Variants in TSPAN9 observed in about 807,000 individuals in gnomAD.
TSPAN9 encodes the protein tetraspanin 9, also known as tetraspanin-9.
In TSPAN9, 16 loss-of-function variants were observed where a neutral mutation model predicts 31.0. That is an observed-to-expected ratio of 0.52 (90% CI 0.35 to 0.78). The LOEUF (loss-of-function observed/expected upper bound fraction) is 0.78, where lower values mean the gene tolerates loss of function less well. Ranked by LOEUF, TSPAN9 falls within the 30% of genes least tolerant of loss-of-function variation. The pLI, the probability that TSPAN9 is intolerant of heterozygous loss-of-function variation, is 0.01. For missense variants in TSPAN9, 272 were observed against 312.5 expected, an observed-to-expected ratio of 0.87 and a Z score of 0.98; for synonymous variants, 145 against 121.6, an observed-to-expected ratio of 1.19 and a Z score of -1.27.
At chr12:3,115,029 C>T (rs2098321486) in intron 2 of TSPAN9, among the ~76,000 whole-genome samples, 1 of 152,010 alleles carries the variant, frequency 6.6e-6, no homozygotes, top group Non-Finnish European at 1.5e-5. Flanking sequence ...ACCTTTTTAT[C>T]ACCCCCAAAA....
intron 2 of TSPAN9, among the ~76,000 whole-genome samples, chr12:3,089,198 C>G (rs895391962): frequency 6.8e-6 from 1 of 147,908 alleles, no homozygotes; most frequent in Non-Finnish European, 1.5e-5. Context: ...CGCCACTGCA[C>G]TCCAGCCTGG....
At chr12:3,128,139 C>T (rs2098328184) in intron 2 of TSPAN9, among the ~76,000 whole-genome samples, 2 of 152,164 alleles carry the variant, frequency 1.3e-5, no homozygotes, top group Non-Finnish European at 2.9e-5. Context: ...GATGGTACTA[C>T]CGATATTACA....
chr12:3,226,812 C>G (rs1352030090), intron 3 of TSPAN9, among the ~76,000 whole-genome samples: 2 of 74,450 alleles, frequency 2.7e-5, no homozygotes, highest in Non-Finnish European at 5.5e-5. Flanking sequence ...TTTTTTTTCC[C>G]TCTTCGAACT....
At chr12:3,084,206 T>TG (rs2098299283) in intron 2 of TSPAN9, 1 of 152,554 alleles carries the variant, frequency 6.6e-6, no homozygotes, top group Admixed American at 6.5e-5. Flanking sequence ...TCCAGGCTCC[T>TG]GGGGGTCTTG....
intron 3 of TSPAN9, among the ~76,000 whole-genome samples, chr12:3,270,408 C>T (rs1862652242): frequency 2.0e-5 from 3 of 152,184 alleles, no homozygotes; most frequent in South Asian, 2.1e-4. Context: ...ATCTAGGCAT[C>T]GCCGTGTTGG....
At position 3,168,258 on chromosome 12, in the gene TSPAN9, T is replaced by A. The variant is rs2098349692; in HGVS notation, c.-17-32919T>A. Among the ~76,000 whole-genome samples the A allele has an allele frequency of 6.6e-6, 1 of 152,226 alleles. No homozygotes were observed. The highest frequency in any genetic ancestry group is 6.5e-5 in the Admixed American group (1 of 15,286). On this transcript the variant is annotated intron_variant, in intron 2 of 8. Coordinates refer to ENST00000011898, the MANE Select transcript of TSPAN9 (RefSeq NM_006675.5). The surrounding 1 kb of genome is among the most constrained non-coding windows in gnomAD (Gnocchi z 4.0). Reference sequence around the variant, plus strand: ...ATCCCTCTACACTGTGCCAGCTCTTTCCAGATGCTTCAAACCTTTTTAGTT... The same window carrying A: ...ATCCCTCTACACTGTGCCAGCTCTTACCAGATGCTTCAAACCTTTTTAGTT...
intron 2 of TSPAN9, among the ~76,000 whole-genome samples, chr12:3,084,389 G>A (rs146961161): frequency 7.1e-4 from 108 of 152,284 alleles, no homozygotes; most frequent in African/African-American, 2.5e-3. Flanking sequence ...TTCTCCTGCG[G>A]CTTCTCCCTG....
rs138428560 is a variant in TSPAN9 at position 3,226,242 on chromosome 12, C to T, written c.63+24986C>T. Among the ~76,000 whole-genome samples, 117 of 152,092 alleles carry T rather than the reference C, an allele frequency of 7.7e-4. 1 individual carries two copies. Among genetic ancestry groups the T allele is most frequent in the African/African-American group, 2.6e-3 (108 of 41,468 alleles). ...TTTTTTATCCTCTAGTTGCACATAG[C>T]GGGAGAAACTCCTTTAAAGACCAGA... is the stretch of plus-strand genomic sequence containing the variant. On this transcript the variant is annotated intron_variant, in intron 3 of 8. Transcript: ENST00000011898.
chr12:3,191,884 G>A (rs77916626), intron 2 of TSPAN9, among the ~76,000 whole-genome samples: 1,546 of 152,292 alleles, frequency 0.01, 17 homozygotes, highest in East Asian at 0.082. Context: ...GGTGCTGTGA[G>A]GAGTTGTATT....
In TSPAN9 at chr12:3,266,268, G is replaced by A. The variant is rs890539977; in HGVS notation, c.64-12153G>A. 6.6e-5 allele frequency among the ~76,000 whole-genome samples: 10 copies of A among 152,338 alleles called. No homozygotes were observed. In the East Asian group the frequency reaches 9.7e-4, roughly 15 times the overall value. Reference sequence around the variant, plus strand: ...AAGAATGTGGTTTTTGGAGTCAGATGTCCTGGGTTTCTTCACTGAACCTCG... The same window carrying A: ...AAGAATGTGGTTTTTGGAGTCAGATATCCTGGGTTTCTTCACTGAACCTCG... On this transcript the variant is annotated intron_variant, in intron 3 of 8. Coordinates refer to ENST00000011898, the MANE Select transcript of TSPAN9 (RefSeq NM_006675.5).
chr12:3,217,393 C>A (rs1368931167), intron 3 of TSPAN9, among the ~76,000 whole-genome samples: 1 of 152,214 alleles, frequency 6.6e-6, no homozygotes, highest in Non-Finnish European at 1.5e-5. Flanking sequence ...ATGGAAGTGT[C>A]ATCTGGAAAG....
chr12:3,185,837 G>C (rs528107174), intron 2 of TSPAN9, among the ~76,000 whole-genome samples: 1 of 152,310 alleles, frequency 6.6e-6, no homozygotes, highest in South Asian at 2.1e-4. Context: ...GCTGGAGTTC[G>C]GGTGTGGCTG....
At chr12:3,202,991 G>A (rs931298422) in intron 3 of TSPAN9, among the ~76,000 whole-genome samples, 5 of 152,170 alleles carry the variant, frequency 3.3e-5, no homozygotes, top group South Asian at 2.1e-4. Context: ...GGATTCACAC[G>A]AATGCTGTCC....
rs953203092 is a variant in TSPAN9 at position 3,281,447 on chromosome 12, G to T, written c.564+118G>T. 5 of 1,408,530 alleles carry T rather than the reference G, an allele frequency of 3.5e-6. No homozygotes were observed. In the East Asian group the frequency reaches 7.6e-5, roughly 21 times the overall value. 87.3% of individuals were successfully genotyped at this position (1,408,530 alleles called of 1,614,324 possible). ...TAAGAGGTTGGCTGAATGTGGCGGT[G>T]GGGGGCTCACAAAAATAAAGCCAAA... On this transcript the variant is annotated intron_variant, in intron 7 of 8. Transcript: ENST00000011898.
chr12:3,174,683 C>T (rs185760921), intron 2 of TSPAN9, among the ~76,000 whole-genome samples: 17,613 of 151,812 alleles, frequency 0.12, 1,188 homozygotes, highest in African/African-American at 0.19. Flanking sequence ...CCCGGGTTCG[C>T]GCCATTCTCC....
intron 2 of TSPAN9, among the ~76,000 whole-genome samples, chr12:3,118,255 C>T (rs986514457): frequency 9.9e-5 from 2 of 20,116 alleles, no homozygotes; most frequent in East Asian, 1.5e-3. Context: ...CTGCACCCGC[C>T]GTTTTTTTTT....
At chr12:3,114,021 G>A (rs923765701) in intron 2 of TSPAN9, among the ~76,000 whole-genome samples, 2 of 152,156 alleles carry the variant, frequency 1.3e-5, no homozygotes, top group African/African-American at 2.4e-5. Context: ...GTCATCCTCA[G>A]TGGGCCATAA....
intron 5 of TSPAN9, among the ~76,000 whole-genome samples, chr12:3,279,901 C>T (rs1412326857): frequency 6.6e-6 from 1 of 152,136 alleles, no homozygotes; most frequent in Non-Finnish European, 1.5e-5. Context: ...GTAGATGCTG[C>T]TGTTCAACAT....
intron 3 of TSPAN9, among the ~76,000 whole-genome samples, chr12:3,271,368 G>A (rs1248974278): frequency 1.3e-5 from 2 of 152,200 alleles, no homozygotes; most frequent in Non-Finnish European, 2.9e-5. Context: ...TCAGAACGTA[G>A]GAGGGGAAGA....
Sources: allele counts gnomAD v4.1 joint callset (sites outside exome capture counted in the v4.1 genomes callset), GRCh38; gene constraint gnomAD v4.1.1; non-coding constraint Gnocchi (gnomAD v3.1); transcripts MANE v1.5; gene names NCBI Gene and HGNC (gene_info 2026-07-23, HGNC 2026-07-21).